The following ZFHX4 variants were observed in gnomAD, a reference collection of about 807,000 sequenced individuals.
The protein encoded by ZFHX4 is zinc finger homeobox protein 4.
ZFHX4 carries 56 observed loss-of-function variants against 267.6 expected under a neutral mutation model. That is an observed-to-expected ratio of 0.21 (90% confidence interval 0.17 to 0.26). ZFHX4 has a LOEUF of 0.26. ZFHX4 is among the 10% of genes least tolerant of loss of function. The pLI, the probability that ZFHX4 is intolerant of heterozygous loss-of-function variation, is 1.00. For missense variants in ZFHX4, 4,332 were observed against 4,420.0 expected (o/e 0.98, Z 0.56); for synonymous variants, 1,778 against 1,665.6 (o/e 1.07, Z -1.64).
At chr8:76,795,757 G>C (rs1024479077) in intron 4 of ZFHX4, among the ~76,000 whole-genome samples, 1 of 151,878 alleles carries the variant, frequency 6.6e-6, no homozygotes, top group Non-Finnish European at 1.5e-5. Context: ...GACTGGTCTC[G>C]ATCTCCTGAC....
chr8:76,809,694 A>G (rs1387264992), intron 4 of ZFHX4, among the ~76,000 whole-genome samples: 2 of 152,176 alleles, frequency 1.3e-5, no homozygotes, highest in African/African-American at 4.8e-5. Flanking sequence ...TGAAGGTGCT[A>G]GGCTTTGTTT....
chr8:76,725,899 C>G (rs530224230), intron 3 of ZFHX4, among the ~76,000 whole-genome samples: 2 of 152,242 alleles, frequency 1.3e-5, no homozygotes, highest in African/African-American at 4.8e-5. Context: ...AAGTCATAAT[C>G]TGTTAATACC....
Position 76,865,784 on chromosome 8 carries a change from C to CTG in ZFHX4, c.*1220_*1221insGT, listed in dbSNP as rs1813010764. The CTG allele has an allele frequency of 6.6e-6, 1 of 152,576 alleles. No homozygotes were observed. The highest frequency in any genetic ancestry group is 1.5e-5 in the Non-Finnish European group (1 of 68,028). The allele number at this position is 152,576 out of a possible 1,614,324, so 9.5% of individuals were successfully genotyped here. On this transcript the variant is annotated 3_prime_UTR_variant, in exon 11 of 11. Coordinates refer to ENST00000651372, the MANE Select transcript of ZFHX4 (RefSeq NM_024721.5). ...CGTAGGACTGAATTCAGTGATATCC[C>CTG]TATACACTGCCATTTAGTGGATAGG...
intron 8 of ZFHX4, 143 bp from the exon 9 acceptor site, chr8:76,850,102 A>G (rs1812471834): frequency 1.5e-5 from 10 of 649,614 alleles, no homozygotes. Flanking sequence ...AAGGTGTGGC[A>G]TTGATCTGTA....
intron 4 of ZFHX4, among the ~76,000 whole-genome samples, chr8:76,807,998 A>G (rs189014104): frequency 5.1e-4 from 77 of 152,280 alleles, no homozygotes; most frequent in African/African-American, 1.7e-3. Context: ...ATAATACAAC[A>G]TAGCCTTGTG....
chr8:76,698,061 C>T lies in ZFHX4; in HGVS notation c.-46-5982C>T, dbSNP rs573551066. Among the ~76,000 whole-genome samples, 231 of 152,172 alleles carry T rather than the reference C, an allele frequency of 1.5e-3. 1 individual carries two copies. The highest frequency in any genetic ancestry group is 5.3e-3 in the African/African-American group (222 of 41,544). On this transcript the variant is annotated intron_variant, in intron 1 of 10. Transcript: ENST00000651372. ...AGCAATCACTACAAAGCCTTAATGT[C>T]AGCTGGAATACTAGCAAAACAGTAT...
intron 4 of ZFHX4, among the ~76,000 whole-genome samples, chr8:76,830,278 T>G (rs1811900726): frequency 6.6e-6 from 1 of 152,200 alleles, no homozygotes; most frequent in Non-Finnish European, 1.5e-5. Context: ...AAATGTGTGA[T>G]TATCACCAAA....
Position 76,850,478 on chromosome 8 carries a change from T to C in ZFHX4, c.3964+116T>C, listed in dbSNP as rs1052223111. ...TTTCGTAAAGCATAGGGGAAAAATG[T>C]ATGCCATTTCAAAGAGCCATATTTT... On this transcript the variant is annotated intron_variant, in intron 9 of 10. Coordinates refer to ENST00000651372, the MANE Select transcript of ZFHX4 (RefSeq NM_024721.5). 12 of 850,278 alleles carry C rather than the reference T, an allele frequency of 1.4e-5. 1 individual carries two copies. In the South Asian group the frequency reaches 2.2e-4, roughly 15 times the overall value. The allele number at this position is 850,278 out of a possible 1,614,324, so 52.7% of individuals were successfully genotyped here.
intron 3 of ZFHX4, among the ~76,000 whole-genome samples, chr8:76,732,387 A>G (rs1809044523): frequency 6.6e-6 from 1 of 152,060 alleles, no homozygotes; most frequent in South Asian, 2.1e-4. Context: ...ATATATGTTA[A>G]AGGAGTATAG....
chr8:76,864,147 A>G lies in ZFHX4; in HGVS notation c.10433A>G (p.Gln3478Arg). ...SSLHKEKTIKQAMRNAKEHVR... is the reference protein window; with the variant it reads ...SSLHKEKTIKRAMRNAKEHVR... The stretch of plus-strand genomic sequence containing the variant: ...TTGCACAAAGAGAAAACAATCAAAC[A>G]AGCAATGAGAAATGCCAAAGAGCAT... Residue 3478 changes from glutamine (Q) to arginine (R), a missense_variant, in exon 11 of 11, where the codon CAA becomes CGA. By Grantham distance (43) the Gln-to-Arg change is conservative (BLOSUM62 1). Transcript: ENST00000651372. 1 of 1,613,902 alleles carries G rather than the reference A, an allele frequency of 6.2e-7. No homozygotes were observed. Among genetic ancestry groups the G allele is most frequent in the Non-Finnish European group, 8.5e-7 (1 of 1,179,846 alleles).
At chr8:76,731,613 T>G (rs771419943) in intron 3 of ZFHX4, among the ~76,000 whole-genome samples, 13 of 152,116 alleles carry the variant, frequency 8.5e-5, no homozygotes, top group Admixed American at 2.0e-4. Flanking sequence ...AGCAAAAATT[T>G]TATTACAAAT....
intron 1 of ZFHX4, chr8:76,693,350 A>G (rs1807869723): frequency 6.6e-6 from 1 of 152,242 alleles, no homozygotes; most frequent in Non-Finnish European, 1.5e-5. Context: ...TATCTTACAG[A>G]GAAATCTAAA....
rs1808210393 is a variant in ZFHX4 at position 76,704,987 on chromosome 8, A to T, written c.899A>T (p.Asp300Val). Residue 300 changes from aspartate (D) to valine (V), a missense_variant, in exon 2 of 11, where the codon GAT becomes GTT. Physicochemically the swap from Asp to Val is radical, Grantham distance 152 (BLOSUM62 -3). Coordinates refer to ENST00000651372, the MANE Select transcript of ZFHX4 (RefSeq NM_024721.5). ...IRSFVTHAVHDHRMTLNDEEQ... is the reference protein window; with the variant it reads ...IRSFVTHAVHVHRMTLNDEEQ... Reference sequence around the variant, plus strand: ...TCATTTGTAACCCATGCTGTGCATGATCATCGGATGACCCTCAATGACGAG... The same window carrying T: ...TCATTTGTAACCCATGCTGTGCATGTTCATCGGATGACCCTCAATGACGAG... The T allele has an allele frequency of 6.2e-7, 1 of 1,613,822 alleles. No individual in the cohort carries two copies. Among genetic ancestry groups the T allele is most frequent in the South Asian group, 1.1e-5 (1 of 91,080 alleles).
chr8:76,826,065 A>T (rs1380457267), intron 4 of ZFHX4, among the ~76,000 whole-genome samples: 1 of 152,226 alleles, frequency 6.6e-6, no homozygotes, highest in Non-Finnish European at 1.5e-5. Flanking sequence ...TGTAGGCTGT[A>T]TAAGCATTGC....
chr8:76,704,849 A>C lies in ZFHX4; in HGVS notation c.761A>C (p.Lys254Thr). Residue 254 changes from lysine to threonine, a missense_variant, in exon 2 of 11, where the codon AAA becomes ACA. This residue lies in a region of ZFHX4 where 1,195 missense variants were observed against 1,173.6 expected (regional missense o/e 1.02). Transcript: ENST00000651372. ...DGSAKNSCVSKDVPNNVDLSK... is the reference protein window; with the variant it reads ...DGSAKNSCVSTDVPNNVDLSK... Reference sequence around the variant, plus strand: ...TCAGCCAAAAACTCCTGTGTGTCCAAAGATGTCCCTAACAATGTGGACTTG... The same window carrying C: ...TCAGCCAAAAACTCCTGTGTGTCCACAGATGTCCCTAACAATGTGGACTTG... 3 of 1,614,202 alleles carry C rather than the reference A, an allele frequency of 1.9e-6. No homozygotes were observed. The highest frequency in any genetic ancestry group is 2.5e-6 in the Non-Finnish European group (3 of 1,180,038).
At chr8:76,833,989 G>GT (rs979370230) in intron 5 of ZFHX4, 20 of 255,880 alleles carry the variant, frequency 7.8e-5, no homozygotes, top group Middle Eastern at 1.5e-3. Context: ...ACAGTATGTA[G>GT]TTTTTTTTAG....
chr8:76,808,905 T>G lies in ZFHX4; in HGVS notation c.3326-24433T>G, dbSNP rs568748423. Among the ~76,000 whole-genome samples the G allele has an allele frequency of 2.7e-4, 41 of 150,800 alleles. No homozygotes were observed. The East Asian group carries it at 6.6e-3, about 24-fold the overall frequency. The stretch of plus-strand genomic sequence containing the variant: ...TTCTCTGTCTCTGTCTCTCTCTATC[T>G]CTCTGTCTCTCTCTCTCTCTCTCTC... On this transcript the variant is annotated intron_variant, in intron 4 of 10. Coordinates refer to ENST00000651372, the MANE Select transcript of ZFHX4 (RefSeq NM_024721.5).
chr8:76,834,158 C>A (rs1372476028), intron 5 of ZFHX4: 4 of 448,274 alleles, frequency 8.9e-6, no homozygotes, highest in Non-Finnish European at 1.3e-5. Flanking sequence ...TTGGTTGATT[C>A]CAAGTTTTGG....
At chr8:76,828,422 A>C (rs1409159813) in intron 4 of ZFHX4, among the ~76,000 whole-genome samples, 1 of 152,216 alleles carries the variant, frequency 6.6e-6, no homozygotes, top group Non-Finnish European at 1.5e-5. Flanking sequence ...CTGTGCCTTT[A>C]GAAAAAGTTA....
Sources: allele counts gnomAD v4.1 joint callset (sites outside exome capture counted in the v4.1 genomes callset), GRCh38; gene constraint gnomAD v4.1.1; regional missense constraint gnomAD v4.1.1; transcripts MANE v1.5; gene names NCBI Gene and HGNC (gene_info 2026-07-23, HGNC 2026-07-21).